Variants in POU2F1 observed in about 807,000 individuals in gnomAD.
POU2F1 encodes POU class 2 homeobox 1, also known as POU domain, class 2, transcription factor 1.
POU2F1 carries 16 observed loss-of-function variants against 84.9 expected under a neutral mutation model. That is an observed-to-expected ratio of 0.19 (90% CI 0.13 to 0.29). The LOEUF is 0.29. POU2F1 is among the 10% of genes least tolerant of loss of function. The pLI is 1.00. For synonymous variants in POU2F1, 368 were observed against 368.3 expected, an observed-to-expected ratio of 1.00 and a Z score of 0.01; for missense variants, 738 against 942.6, an observed-to-expected ratio of 0.78 and a Z score of 2.84.
intron 2 of POU2F1, among the ~76,000 whole-genome samples, chr1:167,337,680 C>G (rs1014113166): frequency 6.6e-6 from 1 of 151,036 alleles, no homozygotes; most frequent in African/African-American, 2.4e-5. Flanking sequence ...TCTACCCTCA[C>G]CCCACCCCCT....
At chr1:167,320,287 AG>A (rs779649726) in intron 1 of POU2F1, among the ~76,000 whole-genome samples, 6 of 152,348 alleles carry the variant, frequency 3.9e-5, no homozygotes, top group Non-Finnish European at 7.3e-5. Context: ...GCTGAAGTAT[AG>A]GGCGTCTGGA....
At chr1:167,325,299 C>T (rs1321329441) in intron 1 of POU2F1, among the ~76,000 whole-genome samples, 1 of 152,004 alleles carries the variant, frequency 6.6e-6, no homozygotes, top group Non-Finnish European at 1.5e-5. Context: ...GATGCAGACA[C>T]CCCCCATGAT....
At chr1:167,269,029 G>A (rs1652176851) in intron 1 of POU2F1, among the ~76,000 whole-genome samples, 1 of 152,202 alleles carries the variant, frequency 6.6e-6, no homozygotes, top group African/African-American at 2.4e-5. Flanking sequence ...GTAATGATCA[G>A]AAATTCTTGC....
chr1:167,395,691 A>C (rs187721492), intron 9 of POU2F1, among the ~76,000 whole-genome samples: 61 of 151,906 alleles, frequency 4.0e-4, no homozygotes, highest in African/African-American at 1.3e-3. Flanking sequence ...TACCGCCTTG[A>C]CCTCCTGGGC....
intron 5 of POU2F1, among the ~76,000 whole-genome samples, chr1:167,372,534 C>T (rs1261232735): frequency 1.3e-5 from 2 of 152,230 alleles, no homozygotes; most frequent in Non-Finnish European, 2.9e-5. Flanking sequence ...CTTCATTTCC[C>T]TCTACCTGTT....
chr1:167,285,905 A>G (rs990086823), intron 1 of POU2F1, among the ~76,000 whole-genome samples: 4 of 152,204 alleles, frequency 2.6e-5, no homozygotes, highest in African/African-American at 9.6e-5. Flanking sequence ...GAATCTTTAT[A>G]GGGGTTGCCA....
At position 167,318,716 on chromosome 1, in the gene POU2F1, G is replaced by A. The variant is rs140029716; in HGVS notation, c.62-13754G>A. On this transcript the variant is annotated intron_variant, in intron 1 of 15. Transcript: ENST00000367866. ...AGTGGCCTTTCTCAAACAGATAGGC[G>A]GACATTCAAATCCTAAACAAATATT... Among the ~76,000 whole-genome samples the A allele has an allele frequency of 4.9e-3, 745 of 152,208 alleles. 2 individuals carry two copies. The highest frequency in any genetic ancestry group is 0.015 in the South Asian group (72 of 4,810).
intron 15 of POU2F1, among the ~76,000 whole-genome samples, chr1:167,414,004 A>C (rs1650143746): frequency 6.6e-6 from 1 of 152,024 alleles, no homozygotes; most frequent in African/African-American, 2.4e-5. Flanking sequence ...AAAAAAAAAA[A>C]ATTAAAGTGT....
At chr1:167,260,248 G>A (rs1189724997) in intron 1 of POU2F1, among the ~76,000 whole-genome samples, 1 of 152,116 alleles carries the variant, frequency 6.6e-6, no homozygotes, top group Non-Finnish European at 1.5e-5. Flanking sequence ...ATCTTTCATT[G>A]ATTTTTAGGA....
chr1:167,296,801 A>AT (rs1483180993), intron 1 of POU2F1, among the ~76,000 whole-genome samples: 1 of 152,212 alleles, frequency 6.6e-6, no homozygotes, highest in African/African-American at 2.4e-5. Context: ...ACTATCCAGC[A>AT]TATTTCCAAT....
intron 1 of POU2F1, among the ~76,000 whole-genome samples, chr1:167,313,798 A>G (rs1481448569): frequency 1.3e-5 from 2 of 152,260 alleles, no homozygotes; most frequent in African/African-American, 4.8e-5. Context: ...ATGAAAAGAC[A>G]TGGTCCACAG....
At chr1:167,311,771 C>CATTTTT (rs1655491081) in intron 1 of POU2F1, among the ~76,000 whole-genome samples, 1 of 144,636 alleles carries the variant, frequency 6.9e-6, no homozygotes, top group Non-Finnish European at 1.5e-5. Context: ...TACAAAAAAT[C>CATTTTT]ATTTATTTAT....
intron 1 of POU2F1, among the ~76,000 whole-genome samples, chr1:167,281,780 T>C (rs1445795027): frequency 1.3e-5 from 2 of 151,712 alleles, no homozygotes; most frequent in Non-Finnish European, 2.9e-5. Context: ...CTAAACTTGG[T>C]TTAACAGTAG....
At chr1:167,372,527 C>A (rs1660075557) in intron 5 of POU2F1, among the ~76,000 whole-genome samples, 1 of 152,224 alleles carries the variant, frequency 6.6e-6, no homozygotes, top group Admixed American at 6.5e-5. Flanking sequence ...CTAATTACTT[C>A]ATTTCCCTCT....
chr1:167,414,647 A>G, intron 15 of POU2F1: 5 of 985,374 alleles, frequency 5.1e-6, no homozygotes, highest in Non-Finnish European at 6.0e-6. Flanking sequence ...ACAGCATCAT[A>G]GAAAATTTCT....
intron 1 of POU2F1, among the ~76,000 whole-genome samples, chr1:167,232,432 T>G (rs1253100047): frequency 1.3e-5 from 2 of 152,188 alleles, no homozygotes; most frequent in African/African-American, 4.8e-5. Context: ...TTAAAAAATT[T>G]AAATAGATAA....
intron 1 of POU2F1, chr1:167,257,935 T>A (rs1391047912): frequency 6.6e-6 from 1 of 152,032 alleles, no homozygotes; most frequent in Non-Finnish European, 1.5e-5. Context: ...CCATCATGCC[T>A]GGATAATTTT....
At chr1:167,368,612 T>A (rs1189082053) in intron 3 of POU2F1, among the ~76,000 whole-genome samples, 5 of 152,204 alleles carry the variant, frequency 3.3e-5, no homozygotes, top group African/African-American at 1.2e-4. Flanking sequence ...CTTGGGCTCT[T>A]TGACTTCTTA....
chr1:167,289,200 T>C (rs1319534390), intron 1 of POU2F1, among the ~76,000 whole-genome samples: 1 of 152,182 alleles, frequency 6.6e-6, no homozygotes, highest in Non-Finnish European at 1.5e-5. Context: ...GAAGTTTTAT[T>C]GTGGACTTAA....
Sources: allele counts gnomAD v4.1 joint callset (sites outside exome capture counted in the v4.1 genomes callset), GRCh38; gene constraint gnomAD v4.1.1; transcripts MANE v1.5; gene names NCBI Gene and HGNC (gene_info 2026-07-23, HGNC 2026-07-21).